The following CDK14 variants were observed in gnomAD, a reference collection of about 807,000 sequenced individuals.
The protein encoded by CDK14 is cyclin-dependent kinase 14.
In CDK14, 34 loss-of-function variants were observed where a neutral mutation model predicts 60.7. That is an observed-to-expected ratio of 0.56 (90% CI 0.43 to 0.75). CDK14 has a LOEUF of 0.75. Ranked by LOEUF, CDK14 falls within the 30% of genes least tolerant of loss-of-function variation. The pLI, the probability that CDK14 is intolerant of heterozygous loss-of-function variation, is 0.00. For synonymous variants in CDK14, 197 were observed against 203.7 expected (o/e 0.97, Z 0.28); for missense variants, 482 against 564.1 (o/e 0.85, Z 1.47).
rs572383454 is a variant in CDK14 at position 90,942,624 on chromosome 7, C to T, written c.827-13073C>T. Among the ~76,000 whole-genome samples, 3 of 152,274 alleles carry T rather than the reference C, an allele frequency of 2.0e-5. No individual in the cohort carries two copies. In the South Asian group the frequency reaches 6.2e-4, roughly 32 times the overall value. ...CAGTTCTCTGAGTTCCTGAAAACTG[C>T]TGATCAAGAATAGGGGGAACCTTCA... On this transcript the variant is annotated intron_variant, in intron 8 of 14. Coordinates refer to ENST00000380050, the MANE Select transcript of CDK14 (RefSeq NM_001287135.2).
At chr7:91,054,623 C>T (rs765909282) in intron 11 of CDK14, among the ~76,000 whole-genome samples, 9 of 152,112 alleles carry the variant, frequency 5.9e-5, no homozygotes, top group Non-Finnish European at 1.2e-4. Flanking sequence ...AGTTGAGAGT[C>T]GGTGTTTGCA....
chr7:90,638,649 C>T (rs1390855254), intron 2 of CDK14, among the ~76,000 whole-genome samples: 1 of 152,124 alleles, frequency 6.6e-6, no homozygotes, highest in Non-Finnish European at 1.5e-5. Context: ...GTGGCGTTCT[C>T]TGTATTTCCT....
At chr7:90,909,055 C>T (rs998326878) in intron 7 of CDK14, among the ~76,000 whole-genome samples, 2 of 152,018 alleles carry the variant, frequency 1.3e-5, no homozygotes, top group Admixed American at 6.6e-5. Flanking sequence ...AATATTGATT[C>T]GTTTTCATTT....
intron 14 of CDK14, among the ~76,000 whole-genome samples, chr7:91,133,873 GC>G (rs1430515697): frequency 1.3e-5 from 2 of 152,082 alleles, no homozygotes; most frequent in African/African-American, 4.8e-5. Context: ...CGCAAGCTAA[GC>G]TCATTTTACA....
chr7:90,968,049 C>G (rs752640955), intron 9 of CDK14, among the ~76,000 whole-genome samples: 1 of 152,192 alleles, frequency 6.6e-6, no homozygotes, highest in Non-Finnish European at 1.5e-5. Context: ...TGAATTAATT[C>G]TTCAGTACTG....
chr7:91,025,948 T>G (rs2115901167), intron 10 of CDK14, among the ~76,000 whole-genome samples: 1 of 152,346 alleles, frequency 6.6e-6, no homozygotes, highest in Non-Finnish European at 1.5e-5. Context: ...TAAGCCTATT[T>G]TATTGATAAG....
At chr7:90,890,905 AG>A (rs1305037711) in intron 6 of CDK14, among the ~76,000 whole-genome samples, 1 of 152,170 alleles carries the variant, frequency 6.6e-6, no homozygotes, top group Non-Finnish European at 1.5e-5. Context: ...CTATTATGAA[AG>A]GATAGTGAGT....
chr7:91,061,890 A>C (rs1033883013), intron 11 of CDK14, among the ~76,000 whole-genome samples: 1 of 152,176 alleles, frequency 6.6e-6, no homozygotes, highest in Non-Finnish European at 1.5e-5. Flanking sequence ...TCAGATCTCA[A>C]GCTGCAGGCT....
intron 5 of CDK14, among the ~76,000 whole-genome samples, chr7:90,810,825 GACAA>G (rs1789069189): frequency 6.6e-6 from 1 of 151,594 alleles, no homozygotes; most frequent in African/African-American, 2.4e-5. Context: ...ATCAGTAACA[GACAA>G]ACAGAGAGCC....
intron 14 of CDK14, among the ~76,000 whole-genome samples, chr7:91,137,714 GTA>G (rs1460518893): frequency 0.013 from 1,596 of 123,552 alleles, 23 homozygotes; most frequent in East Asian, 0.066. Flanking sequence ...GTGTGTGTGT[GTA>G]TGTGTGTGTG....
At chr7:90,673,243 C>T (rs1004309242) in intron 2 of CDK14, among the ~76,000 whole-genome samples, 3 of 152,036 alleles carry the variant, frequency 2.0e-5, no homozygotes, top group Non-Finnish European at 2.9e-5. Flanking sequence ...CAGGGAGGAG[C>T]AGTAGTAGAG....
chr7:91,199,944 G>C (rs958581484), intron 14 of CDK14, among the ~76,000 whole-genome samples: 3 of 152,172 alleles, frequency 2.0e-5, no homozygotes, highest in African/African-American at 7.2e-5. Context: ...GAAGAAGCAT[G>C]ATTATCATAA....
intron 11 of CDK14, among the ~76,000 whole-genome samples, chr7:91,053,535 G>A: frequency 6.6e-6 from 1 of 152,098 alleles, no homozygotes; most frequent in East Asian, 1.9e-4. Context: ...CACTTGCTAG[G>A]TATGGGCATA....
At chr7:90,769,046 T>C (rs1804679716) in intron 4 of CDK14, among the ~76,000 whole-genome samples, 1 of 152,214 alleles carries the variant, frequency 6.6e-6, no homozygotes, top group Admixed American at 6.5e-5. Flanking sequence ...TTTGCAGATA[T>C]TTTACATACA....
intron 2 of CDK14, among the ~76,000 whole-genome samples, chr7:90,636,134 C>G (rs1207947930): frequency 1.1e-4 from 17 of 150,880 alleles, no homozygotes; most frequent in Admixed American, 4.6e-4. Flanking sequence ...ATTTCCTTCT[C>G]CTGCCTAATT....
At chr7:91,086,604 T>G (rs1162573807) in intron 12 of CDK14, among the ~76,000 whole-genome samples, 1 of 152,140 alleles carries the variant, frequency 6.6e-6, no homozygotes, top group Non-Finnish European at 1.5e-5. Context: ...CTCCATTTTC[T>G]AAATAAGCCT....
At chr7:90,982,259 C>G (rs118115729) in intron 9 of CDK14, among the ~76,000 whole-genome samples, 1 of 152,136 alleles carries the variant, frequency 6.6e-6, no homozygotes, top group South Asian at 2.1e-4. Context: ...AGAGGAGATG[C>G]ATTTAAACAG....
At chr7:90,599,516 A>T (rs558421022) in intron 1 of CDK14, among the ~76,000 whole-genome samples, 207 of 152,348 alleles carry the variant, frequency 1.4e-3, no homozygotes, top group African/African-American at 4.9e-3. Flanking sequence ...ATATATGTGA[A>T]GACTAAATCG....
At chr7:91,162,328 T>C (rs903632802) in intron 14 of CDK14, among the ~76,000 whole-genome samples, 2 of 152,238 alleles carry the variant, frequency 1.3e-5, no homozygotes, top group African/African-American at 4.8e-5. Flanking sequence ...TTTAAATTTC[T>C]TTCACTCTCC....
Sources: allele counts gnomAD v4.1 joint callset (sites outside exome capture counted in the v4.1 genomes callset), GRCh38; gene constraint gnomAD v4.1.1; transcripts MANE v1.5; gene names NCBI Gene and HGNC (gene_info 2026-07-23, HGNC 2026-07-21).